The following OR51B5 variants were observed in gnomAD, a reference collection of about 807,000 sequenced individuals.
The protein encoded by OR51B5 is olfactory receptor 51B5.
For missense variants in OR51B5, 456 were observed against 374.6 expected, an observed-to-expected ratio of 1.22 and a Z score of -1.79; for synonymous variants, 186 against 144.8, an observed-to-expected ratio of 1.28 and a Z score of -2.04.
At chr11:5,376,234 G>A (rs1849525911) in intron 1 of OR51B5, among the ~76,000 whole-genome samples, 1 of 151,910 alleles carries the variant, frequency 6.6e-6, no homozygotes, top group Admixed American at 6.6e-5. Flanking sequence ...ACGAAATGAA[G>A]GCAGAAATAA....
exon 1 of OR51B5, chr11:5,343,258 C>T: frequency 6.2e-7 from 1 of 1,613,458 alleles, no homozygotes; most frequent in South Asian, 1.1e-5. Flanking sequence ...CACTTCCAAT[C>T]TCCCTGTGAT....
chr11:5,358,565 C>A (rs1418240844), intron 1 of OR51B5, among the ~76,000 whole-genome samples: 1 of 152,164 alleles, frequency 6.6e-6, no homozygotes, highest in African/African-American at 2.4e-5. Context: ...ACCAGAGGTA[C>A]AAGGAGGAGC....
At chr11:5,427,773 C>G (rs1498470) in intron 1 of OR51B5, among the ~76,000 whole-genome samples, 89,807 of 151,924 alleles carry the variant, frequency 0.59, 26,787 homozygotes, top group East Asian at 0.64. Context: ...TGTTTTTCTA[C>G]CATTATATTT....
chr11:5,373,836 C>T (rs1182841078), intron 1 of OR51B5, among the ~76,000 whole-genome samples: 1 of 152,220 alleles, frequency 6.6e-6, no homozygotes, highest in Non-Finnish European at 1.5e-5. Flanking sequence ...GAAGCTCAAA[C>T]TGGGTGGACC....
At chr11:5,504,869 G>A (rs1341204636) in intron 1 of OR51B5, among the ~76,000 whole-genome samples, 1 of 152,172 alleles carries the variant, frequency 6.6e-6, no homozygotes, top group Non-Finnish European at 1.5e-5. Context: ...AGGCTGATGA[G>A]TTTACTCTTT....
chr11:5,479,460 G>A (rs1397294183), intron 1 of OR51B5, among the ~76,000 whole-genome samples: 2 of 151,154 alleles, frequency 1.3e-5, no homozygotes, highest in East Asian at 3.9e-4. Context: ...CAACTAACGA[G>A]CAAAATCACC....
chr11:5,430,645 G>A (rs1498474), intron 1 of OR51B5: 158,399 of 448,674 alleles, frequency 0.35, 32,089 homozygotes, highest in Non-Finnish European at 0.44. Flanking sequence ...CTGACTCCTT[G>A]CAGTGATTCA....
At chr11:5,455,142 T>C (rs997228586) in intron 1 of OR51B5, 3 of 152,228 alleles carry the variant, frequency 2.0e-5, no homozygotes, top group African/African-American at 7.2e-5. Flanking sequence ...GATTCTTCTT[T>C]ACTTCTTTTA....
intron 1 of OR51B5, among the ~76,000 whole-genome samples, chr11:5,426,304 T>G (rs527749474): frequency 6.6e-6 from 1 of 152,318 alleles, no homozygotes; most frequent in Non-Finnish European, 1.5e-5. Flanking sequence ...CATAACACTA[T>G]GCACTTACCA....
chr11:5,360,419 T>C (rs1849264162), intron 1 of OR51B5, among the ~76,000 whole-genome samples: 1 of 151,328 alleles, frequency 6.6e-6, no homozygotes, highest in Admixed American at 6.6e-5. Context: ...ATCAGAGAAA[T>C]ACAAATCAAA....
Position 5,358,707 on chromosome 11 carries a change from C to A in OR51B5, n.85-11797G>T, listed in dbSNP as rs557281051. On this transcript the variant is annotated intron_variant and non_coding_transcript_variant, in intron 1 of 4. Coordinates refer to the OR51B5 transcript ENST00000415970. Reference sequence around the variant, plus strand: ...CACAACAAAAAAAGAGAATTTTAGACCAATATCCCTGATGGACATCGATGC... The same window carrying A: ...CACAACAAAAAAAGAGAATTTTAGAACAATATCCCTGATGGACATCGATGC... Among the ~76,000 whole-genome samples the A allele has an allele frequency of 2.6e-5, 4 of 152,070 alleles. No individual in the cohort carries two copies. The East Asian group carries it at 7.7e-4, about 29-fold the overall frequency.
intron 1 of OR51B5, among the ~76,000 whole-genome samples, chr11:5,368,843 A>T (rs1203032945): frequency 1.3e-5 from 2 of 152,178 alleles, no homozygotes; most frequent in African/African-American, 4.8e-5. Flanking sequence ...TCTTAGGAGC[A>T]AGATGTTGGA....
At chr11:5,349,367 C>G (rs2133685005) in intron 1 of OR51B5, among the ~76,000 whole-genome samples, 1 of 151,894 alleles carries the variant, frequency 6.6e-6, no homozygotes, top group Non-Finnish European at 1.5e-5. Context: ...ACATTTGTTT[C>G]TCAGCTTTAT....
At chr11:5,359,032 A>G (rs1386676970) in intron 1 of OR51B5, among the ~76,000 whole-genome samples, 2 of 152,128 alleles carry the variant, frequency 1.3e-5, no homozygotes, top group Non-Finnish European at 2.9e-5. Context: ...CCCACAGCCA[A>G]TATCATACTG....
chr11:5,490,431 T>A (rs975192622), intron 1 of OR51B5, among the ~76,000 whole-genome samples: 1 of 152,202 alleles, frequency 6.6e-6, no homozygotes, highest in Non-Finnish European at 1.5e-5. Flanking sequence ...TTAATACAAC[T>A]GTATATTCTT....
downstream of OR51B5, chr11:5,341,307 A>AGGAGC (rs1166107022): frequency 4.0e-5 from 6 of 151,854 alleles, no homozygotes; most frequent in Non-Finnish European, 7.3e-5. Context: ...CTGCTACCTA[A>AGGAGC]GGAGCAGGGG....
chr11:5,349,481 T>C (rs955259150), intron 1 of OR51B5, among the ~76,000 whole-genome samples: 5 of 152,140 alleles, frequency 3.3e-5, no homozygotes, highest in African/African-American at 1.2e-4. Flanking sequence ...TTCTGTATTA[T>C]CTTTTCCCTC....
At chr11:5,488,566 A>T in intron 1 of OR51B5, 1 of 637,886 alleles carries the variant, frequency 1.6e-6, no homozygotes, top group Non-Finnish European at 2.7e-6. Context: ...ATGTTTGTAC[A>T]AGTGAAAAAC....
At chr11:5,405,585 T>C (rs1850046582) in intron 1 of OR51B5, among the ~76,000 whole-genome samples, 1 of 152,248 alleles carries the variant, frequency 6.6e-6, no homozygotes, top group Non-Finnish European at 1.5e-5. Context: ...TCTGGAATGT[T>C]GTTTAGAAAA....
Sources: allele counts gnomAD v4.1 joint callset (sites outside exome capture counted in the v4.1 genomes callset), GRCh38; gene constraint gnomAD v4.1.1; transcripts MANE v1.5; gene names NCBI Gene and HGNC (gene_info 2026-07-23, HGNC 2026-07-21).